GNAS-AS1: variants seen among roughly 807,000 people sequenced by gnomAD.
The protein encoded by GNAS-AS1 is GNAS antisense RNA 1 (non-protein coding).
Position 58,838,228 on chromosome 20 carries a change from A to C in GNAS-AS1, n.819+3709T>G, listed in dbSNP as rs115923802. 3.2e-3 allele frequency among the ~76,000 whole-genome samples: 481 copies of C among 152,308 alleles called. 2 individuals are homozygous for C. The highest frequency in any genetic ancestry group is 0.011 in the African/African-American group (462 of 41,562). ...ATGGAGGGCCAGACTGAAGACACGC[A>C]CACCTCAAAAGCAGCAGCCAGGTTA... On this transcript the variant is annotated intron_variant and non_coding_transcript_variant, in intron 4 of 4. Coordinates refer to ENST00000424094, the Ensembl canonical transcript of GNAS-AS1.
rs77425223 is a variant in GNAS-AS1 at position 58,824,060 on chromosome 20, G to A, written n.820-4805C>T. On this transcript the variant is annotated intron_variant and non_coding_transcript_variant, in intron 4 of 4. Coordinates refer to ENST00000424094, the Ensembl canonical transcript of GNAS-AS1. ...CGCTCTCTTTGGGGAGGAAGAGGTC[G>A]GCTTCAACATATCCTAAAAGAACCC... is the stretch of plus-strand genomic sequence containing the variant. 2.6e-3 allele frequency: 1,048 copies of A among 398,664 alleles called. 2 individuals carry two copies. The highest frequency in any genetic ancestry group is 3.7e-3 in the Non-Finnish European group (845 of 226,102). 24.7% of individuals were successfully genotyped at this position (398,664 alleles called of 1,614,324 possible). A position where few individuals can be genotyped will look rare whatever the true frequency, so the allele number is the denominator to read the frequency against.
intron 2 of GNAS-AS1, among the ~76,000 whole-genome samples, chr20:58,847,364 T>A (rs936615733): frequency 6.6e-6 from 1 of 152,200 alleles, no homozygotes; most frequent in Non-Finnish European, 1.5e-5. Flanking sequence ...CCTCTGCAGA[T>A]AGCAGTATGC....
At chr20:58,829,475 T>A (rs1193635935) in intron 4 of GNAS-AS1, among the ~76,000 whole-genome samples, 1 of 152,244 alleles carries the variant, frequency 6.6e-6, no homozygotes, top group African/African-American at 2.4e-5. Context: ...GACTGCAGTT[T>A]AACCTGTTGG....
Position 58,841,508 on chromosome 20 carries a change from A to C in GNAS-AS1, n.819+429T>G, listed in dbSNP as rs984115049. 1.0e-6 allele frequency: 1 copy of C among 991,154 alleles called. No homozygotes were observed. Among genetic ancestry groups the C allele is most frequent in the Non-Finnish European group, 1.2e-6 (1 of 834,254 alleles). 61.4% of individuals were successfully genotyped at this position (991,154 alleles called of 1,614,324 possible). A position where few individuals can be genotyped will look rare whatever the true frequency, so the allele number is the denominator to read the frequency against. On this transcript the variant is annotated intron_variant and non_coding_transcript_variant, in intron 4 of 4. Coordinates refer to ENST00000424094, the Ensembl canonical transcript of GNAS-AS1. The surrounding 1 kb of genome is among the most constrained non-coding windows in gnomAD (Gnocchi z 5.0). Reference sequence around the variant, plus strand: ...CCAGAGCTGACAATTAAGCCGCGGGACCTCCGCGCCAGTGCCTCCAGCTGC... The same window carrying C: ...CCAGAGCTGACAATTAAGCCGCGGGCCCTCCGCGCCAGTGCCTCCAGCTGC...
chr20:58,826,503 T>A (rs2085521370), intron 4 of GNAS-AS1, among the ~76,000 whole-genome samples: 1 of 152,160 alleles, frequency 6.6e-6, no homozygotes, highest in South Asian at 2.1e-4. Context: ...GGGACCTGAA[T>A]TTCAAAGGCT....
At chr20:58,839,619 T>C (rs372905317) in intron 4 of GNAS-AS1, 7 of 419,530 alleles carry the variant, frequency 1.7e-5, no homozygotes, top group South Asian at 9.4e-5. Context: ...CCCACTAGGG[T>C]CTGCGCCACA....
At chr20:58,828,453 A>G (rs929046773) in intron 4 of GNAS-AS1, among the ~76,000 whole-genome samples, 3 of 152,222 alleles carry the variant, frequency 2.0e-5, no homozygotes, top group Non-Finnish European at 4.4e-5. Flanking sequence ...TAAACAATTG[A>G]GGGATAGAAC....
chr20:58,826,128 A>T, intron 4 of GNAS-AS1: 1 of 398,674 alleles, frequency 2.5e-6, no homozygotes. Context: ...AACTTTCAGC[A>T]CACTGAAGTC....
chr20:58,829,327 A>C (rs2085540175), intron 4 of GNAS-AS1, among the ~76,000 whole-genome samples: 1 of 152,140 alleles, frequency 6.6e-6, no homozygotes, highest in African/African-American at 2.4e-5. Context: ...AGCTACTATC[A>C]ACTCTAGCTT....
Position 58,840,699 on chromosome 20 carries a change from A to G in GNAS-AS1, n.819+1238T>C. 6.2e-7 allele frequency: 1 copy of G among 1,604,112 alleles called. No individual in the cohort carries two copies. The highest frequency in any genetic ancestry group is 1.7e-4 in the Middle Eastern group (1 of 6,054). Reference sequence around the variant, plus strand: ...GAAGGGGAGGAGCTCAAGCCCGAGGACAAAGATCCAAGGGACCCCGAAGAG... The same window carrying G: ...GAAGGGGAGGAGCTCAAGCCCGAGGGCAAAGATCCAAGGGACCCCGAAGAG... On this transcript the variant is annotated intron_variant and non_coding_transcript_variant, in intron 4 of 4. Coordinates refer to ENST00000424094, the Ensembl canonical transcript of GNAS-AS1. The surrounding 1 kb of genome is among the most constrained non-coding windows in gnomAD (Gnocchi z 6.0).
intron 4 of GNAS-AS1, among the ~76,000 whole-genome samples, chr20:58,823,109 A>G (rs891084452): frequency 1.3e-5 from 2 of 152,128 alleles, no homozygotes; most frequent in East Asian, 3.9e-4. Flanking sequence ...GGCCATATCT[A>G]GCCACGGCAA....
At chr20:58,839,627 A>C in intron 4 of GNAS-AS1, 1 of 424,670 alleles carries the variant, frequency 2.4e-6, no homozygotes, top group Non-Finnish European at 4.1e-6. Flanking sequence ...GGTCTGCGCC[A>C]CAGGCTCGGC....
intron 1 of GNAS-AS1, chr20:58,849,037 C>T (rs1179993362): frequency 5.1e-6 from 2 of 394,494 alleles, no homozygotes; most frequent in East Asian, 7.2e-5. Flanking sequence ...ATCTAAGGGT[C>T]CTTTCTCAGC....
intron 2 of GNAS-AS1, among the ~76,000 whole-genome samples, chr20:58,844,803 A>AAAAAC (rs1351603766): frequency 2.0e-5 from 3 of 152,098 alleles, no homozygotes; most frequent in African/African-American, 7.2e-5. Flanking sequence ...ATCTCAAAAA[A>AAAAAC]AAAACAAAAC....
intron 2 of GNAS-AS1, among the ~76,000 whole-genome samples, chr20:58,848,685 GCCAA>G (rs1410543850): frequency 6.6e-6 from 1 of 152,100 alleles, no homozygotes; most frequent in Non-Finnish European, 1.5e-5. Context: ...CACCAGACAA[GCCAA>G]CCAATCAGGC....
intron 4 of GNAS-AS1, among the ~76,000 whole-genome samples, chr20:58,823,228 T>C (rs368077377): frequency 3.9e-5 from 6 of 152,220 alleles, no homozygotes; most frequent in African/African-American, 1.4e-4. Context: ...TAGAACCTAA[T>C]ATCCCCAGCT....
At chr20:58,846,412 TTAACATCAC>T (rs1410738119) in intron 2 of GNAS-AS1, among the ~76,000 whole-genome samples, 1 of 152,172 alleles carries the variant, frequency 6.6e-6, no homozygotes, top group African/African-American at 2.4e-5. Flanking sequence ...TTCGACACCA[TTAACATCAC>T]TGTCCCCCTG....
rs2085687188 is a variant in GNAS-AS1, at chr20:58,840,846, G to T, written n.819+1091C>A. The T allele has an allele frequency of 6.2e-7, 1 of 1,612,340 alleles. No homozygotes were observed. Among genetic ancestry groups the T allele is most frequent in the Non-Finnish European group, 8.5e-7 (1 of 1,179,582 alleles). On this transcript the variant is annotated intron_variant and non_coding_transcript_variant, in intron 4 of 4. Transcript: ENST00000424094. The surrounding 1 kb of genome is among the most constrained non-coding windows in gnomAD (Gnocchi z 6.0). ...CCCATCCCCATCCGGCGTCACTAAT[G>T]GAGGACGCCGTCCAGATTCTCCTTG...
In GNAS-AS1 at chr20:58,827,357, AG is replaced by A. The variant is rs143462921; in HGVS notation, n.820-8103del. Among the ~76,000 whole-genome samples, 220 of 152,274 alleles carry A rather than the reference AG, an allele frequency of 1.4e-3. 5 individuals are homozygous for A. In the East Asian group the frequency reaches 0.032, roughly 22 times the overall value. On this transcript the variant is annotated intron_variant and non_coding_transcript_variant, in intron 4 of 4. Transcript: ENST00000424094. ...CCAGAAAGAAGAGGGTCGTGCTAGCAGGGGATGGGAGACAAATACTCAGGCC... is the reference window on the plus strand; with the variant it reads ...CCAGAAAGAAGAGGGTCGTGCTAGCAGGGATGGGAGACAAATACTCAGGCC...
Sources: gnomAD v4.1 joint callset for allele counts (sites outside exome capture counted in the v4.1 genomes callset) on GRCh38, gnomAD v4.1.1 for gene constraint, Gnocchi (gnomAD v3.1) non-coding constraint, MANE v1.5 for transcripts, NCBI Gene and HGNC (gene_info 2026-07-23, HGNC 2026-07-21) for gene names.